Variants in LRTM2 observed in about 807,000 individuals in gnomAD.
The protein encoded by LRTM2 is leucine-rich repeat and transmembrane domain-containing protein 2.
Under a neutral mutation model 28.1 loss-of-function variants are expected in LRTM2, and 18 were observed. That is an observed-to-expected ratio of 0.64 (90% confidence interval 0.44 to 0.95). The LOEUF is 0.95. LRTM2 is among the 40% of genes least tolerant of loss of function. The pLI is 0.00. For missense variants in LRTM2, 436 were observed against 497.2 expected (o/e 0.88, Z 1.17); for synonymous variants, 250 against 218.7 (o/e 1.14, Z -1.26).
At chr12:1,823,316 GATTA>G (rs1864184690) in intron 1 of LRTM2, 1 of 152,336 alleles carries the variant, frequency 6.6e-6, no homozygotes, top group East Asian at 1.9e-4. Context: ...GTCTGAGACT[GATTA>G]ATTAACCTCC....
intron 4 of LRTM2, 50 bp downstream of exon 4, chr12:1,831,575 C>A: frequency 6.8e-7 from 1 of 1,469,444 alleles, no homozygotes; most frequent in Non-Finnish European, 9.4e-7. Flanking sequence ...ACGATCACCT[C>A]TGGCCCCACA....
rs137889817 is a variant in LRTM2, at chr12:1,835,422, TACAC to T, written c.*720_*723del. The T allele has an allele frequency of 8.0e-4, 121 of 150,534 alleles. No individual in the cohort carries two copies. The highest frequency in any genetic ancestry group is 1.6e-3 in the Non-Finnish European group (110 of 67,700). The allele number at this position is 150,534 out of a possible 1,614,324, so 9.3% of individuals were successfully genotyped here. A position where few individuals can be genotyped will look rare whatever the true frequency, so the allele number is the denominator to read the frequency against. ...CGGTCACATGGATTGAAAGAATTAA[TACAC>T]ACACACACACACACACACTCACACG... On this transcript the variant is annotated 3_prime_UTR_variant, in exon 5 of 5. Transcript: ENST00000299194.
rs1864500427 is a variant in LRTM2 at position 1,829,084 on chromosome 12, T to C, written c.67+869T>C. Among the ~76,000 whole-genome samples the C allele has an allele frequency of 6.6e-6, 1 of 152,196 alleles. No individual in the cohort carries two copies. The highest frequency in any genetic ancestry group is 6.5e-5 in the Admixed American group (1 of 15,288). Reference sequence around the variant, plus strand: ...GACTCAGATCTCCTTTCAGCCTCATTCTAGAATCACTCAACACCTCGCAAT... The same window carrying C: ...GACTCAGATCTCCTTTCAGCCTCATCCTAGAATCACTCAACACCTCGCAAT... On this transcript the variant is annotated intron_variant, in intron 3 of 4. Transcript: ENST00000299194. This position sits in a 1 kb window ranked among gnomAD's most constrained non-coding sequence, Gnocchi z 4.2.
chr12:1,827,810 G>A (rs1864409642), intron 2 of LRTM2: 2 of 306,324 alleles, frequency 6.5e-6, no homozygotes, highest in South Asian at 3.1e-4. Flanking sequence ...AGGCAGATGA[G>A]GCTGGGTAGG....
At chr12:1,826,406 C>T (rs1050072379) in intron 1 of LRTM2, among the ~76,000 whole-genome samples, 10 of 57,004 alleles carry the variant, frequency 1.8e-4, no homozygotes, top group South Asian at 7.9e-4. Flanking sequence ...CAGAGCCCCC[C>T]CCCCCCCCCC....
At chr12:1,822,298 A>T (rs1864137026) in intron 1 of LRTM2, among the ~76,000 whole-genome samples, 1 of 151,974 alleles carries the variant, frequency 6.6e-6, no homozygotes, top group African/African-American at 2.4e-5. Flanking sequence ...GCAGTGTAGG[A>T]AGGAGGAGGG....
intron 1 of LRTM2, among the ~76,000 whole-genome samples, chr12:1,825,064 C>A (rs1592680066): frequency 6.6e-6 from 1 of 152,240 alleles, no homozygotes; most frequent in Admixed American, 6.5e-5. Flanking sequence ...CAGTGTCCTG[C>A]CACCTTGCAA....
chr12:1,828,098 G>T lies in LRTM2; in HGVS notation c.-51G>T. On this transcript the variant is annotated 5_prime_UTR_variant, in exon 3 of 5. Coordinates refer to ENST00000299194, the MANE Select transcript of LRTM2 (RefSeq NM_001039029.3). The surrounding 1 kb of genome is among the most constrained non-coding windows in gnomAD (Gnocchi z 4.2). ...CAGGACTGACAGGCGGCGCACCCAG[G>T]GGCTCCTCTCTCCCCAGAGCGACAG... 2 of 1,465,980 alleles carry T rather than the reference G, an allele frequency of 1.4e-6. No homozygotes were observed. Among genetic ancestry groups the T allele is most frequent in the Admixed American group, 2.4e-5 (1 of 40,834 alleles). The allele number at this position is 1,465,980 out of a possible 1,614,324, so 90.8% of individuals were successfully genotyped here.
At chr12:1,830,525 A>G (rs1864574374) in intron 3 of LRTM2, among the ~76,000 whole-genome samples, 1 of 152,138 alleles carries the variant, frequency 6.6e-6, no homozygotes, top group African/African-American at 2.4e-5. Flanking sequence ...GGTTTCTCTG[A>G]CAACCTTATC....
rs1039592759 is a variant in LRTM2 at position 1,828,343 on chromosome 12, G to A, written c.67+128G>A. ...GGAGGCCTACGCCAGATCTTCCTGG[G>A]GTACCCGAGGCTATGTTCTGGGAAG... On this transcript the variant is annotated intron_variant, in intron 3 of 4. Coordinates refer to ENST00000299194, the MANE Select transcript of LRTM2 (RefSeq NM_001039029.3). The surrounding 1 kb of genome is among the most constrained non-coding windows in gnomAD (Gnocchi z 4.2). 4 of 823,270 alleles carry A rather than the reference G, an allele frequency of 4.9e-6. No homozygotes were observed. The highest frequency in any genetic ancestry group is 7.2e-6 in the Non-Finnish European group (4 of 557,498). The allele number at this position is 823,270 out of a possible 1,614,324, so 51.0% of individuals were successfully genotyped here.
intron 1 of LRTM2, among the ~76,000 whole-genome samples, chr12:1,823,827 T>G (rs934409549): frequency 6.6e-6 from 1 of 152,168 alleles, no homozygotes; most frequent in African/African-American, 2.4e-5. Flanking sequence ...GATCAGGCAA[T>G]GCCGTGGACA....
rs1211022713 is a variant in LRTM2 at position 1,828,087 on chromosome 12, G to A, written c.-62G>A. On this transcript the variant is annotated 5_prime_UTR_variant, in exon 3 of 5. Coordinates refer to ENST00000299194, the MANE Select transcript of LRTM2 (RefSeq NM_001039029.3). This position sits in a 1 kb window ranked among gnomAD's most constrained non-coding sequence, Gnocchi z 4.2. Reference sequence around the variant, plus strand: ...CCTCCCTCCCTCAGGACTGACAGGCGGCGCACCCAGGGGCTCCTCTCTCCC... The same window carrying A: ...CCTCCCTCCCTCAGGACTGACAGGCAGCGCACCCAGGGGCTCCTCTCTCCC... The A allele has an allele frequency of 1.3e-5, 19 of 1,434,448 alleles. No homozygotes were observed. The Admixed American group carries it at 1.5e-4, about 12-fold the overall frequency. The allele number at this position is 1,434,448 out of a possible 1,614,324, so 88.9% of individuals were successfully genotyped here. A position where few individuals can be genotyped will look rare whatever the true frequency, so the allele number is the denominator to read the frequency against.
Position 1,833,609 on chromosome 12 carries a change from G to T in LRTM2, c.659-658G>T, listed in dbSNP as rs1230700511. ...CTTACAGGGCTGTGGTTGGGGCACC[G>T]ATGGGGCCATTGGATTGCTCCTAAG... is the stretch of plus-strand genomic sequence containing the variant. On this transcript the variant is annotated intron_variant, in intron 4 of 4. Transcript: ENST00000299194. The surrounding 1 kb of genome is among the most constrained non-coding windows in gnomAD (Gnocchi z 4.2). 3.3e-5 allele frequency among the ~76,000 whole-genome samples: 5 copies of T among 152,194 alleles called. No individual in the cohort carries two copies. The highest frequency in any genetic ancestry group is 4.8e-5 in the African/African-American group (2 of 41,430).
intron 4 of LRTM2, 26 bp downstream of exon 4, chr12:1,831,551 C>A: frequency 6.3e-7 from 1 of 1,581,748 alleles, no homozygotes; most frequent in South Asian, 1.1e-5. Context: ...CCTGCTGGGG[C>A]CCGAGGGATT....
chr12:1,828,478 G>C lies in LRTM2; in HGVS notation c.67+263G>C, dbSNP rs1864462629. The stretch of plus-strand genomic sequence containing the variant: ...ACGACAGTTGTTCTACCTCCCCCAG[G>C]TAAGTCTCTGTGAGCTTGCTGGGGT... On this transcript the variant is annotated intron_variant, in intron 3 of 4. Coordinates refer to ENST00000299194, the MANE Select transcript of LRTM2 (RefSeq NM_001039029.3). This position sits in a 1 kb window ranked among gnomAD's most constrained non-coding sequence, Gnocchi z 4.2. Among the ~76,000 whole-genome samples the C allele has an allele frequency of 6.6e-6, 1 of 152,240 alleles. No homozygotes were observed. Among genetic ancestry groups the C allele is most frequent in the Non-Finnish European group, 1.5e-5 (1 of 68,044 alleles).
chr12:1,832,003 G>C (rs1864657167), intron 4 of LRTM2, among the ~76,000 whole-genome samples: 1 of 152,202 alleles, frequency 6.6e-6, no homozygotes, highest in Admixed American at 6.5e-5. Context: ...TGAATCCTCA[G>C]TAAAACCAAA....
At chr12:1,822,871 G>A (rs984571092) in intron 1 of LRTM2, among the ~76,000 whole-genome samples, 2 of 152,152 alleles carry the variant, frequency 1.3e-5, no homozygotes, top group Non-Finnish European at 2.9e-5. Flanking sequence ...ATGGAATCTC[G>A]GGCCGTCTTT....
rs769299567 is a variant in LRTM2, at chr12:1,834,689, G to C, written c.1081G>C (p.Glu361Gln). 1.1e-5 allele frequency: 18 copies of C among 1,601,732 alleles called. No homozygotes were observed. The highest frequency in any genetic ancestry group is 3.3e-4 in the Middle Eastern group (2 of 6,080). ...PLMGDPEGEHEDQKQISSVA is the reference protein window; with the variant it reads ...PLMGDPEGEHQDQKQISSVA ...GATGGGGGACCCCGAGGGCGAGCAC[G>C]AGGACCAGAAGCAGATCTCTTCTGT... Residue 361 changes from glutamate to glutamine, a missense_variant, in exon 5 of 5, where the codon GAG (glutamate) becomes CAG (glutamine). Physicochemically the swap from Glu to Gln is conservative, Grantham distance 29 (BLOSUM62 2). Transcript: ENST00000299194. The surrounding 1 kb of genome is among the most constrained non-coding windows in gnomAD (Gnocchi z 7.6).
At position 1,828,118 on chromosome 12, in the gene LRTM2, C is replaced by T. The variant is rs376050275; in HGVS notation, c.-31C>T. On this transcript the variant is annotated 5_prime_UTR_variant, in exon 3 of 5. Coordinates refer to ENST00000299194, the MANE Select transcript of LRTM2 (RefSeq NM_001039029.3). The surrounding 1 kb of genome is among the most constrained non-coding windows in gnomAD (Gnocchi z 4.2). ...CCCAGGGGCTCCTCTCTCCCCAGAG[C>T]GACAGGGCCCGGAGAGCCGTGGGCC... The T allele has an allele frequency of 2.0e-4, 297 of 1,505,064 alleles. 2 individuals are homozygous for T. The highest frequency in any genetic ancestry group is 5.8e-4 in the East Asian group (23 of 39,656). 93.2% of individuals were successfully genotyped at this position (1,505,064 alleles called of 1,614,324 possible).
Sources: gnomAD v4.1 joint callset for allele counts (sites outside exome capture counted in the v4.1 genomes callset) on GRCh38, gnomAD v4.1.1 for gene constraint, Gnocchi (gnomAD v3.1) non-coding constraint, MANE v1.5 for transcripts, NCBI Gene and HGNC (gene_info 2026-07-23, HGNC 2026-07-21) for gene names.